Variants in PIK3AP1 observed in about 807,000 individuals in gnomAD.
The protein encoded by PIK3AP1 is phosphoinositide-3-kinase adaptor protein 1, also known as phosphoinositide 3-kinase adapter protein 1.
In PIK3AP1, 21 loss-of-function variants were observed where a neutral mutation model predicts 88.1. That is an observed-to-expected ratio of 0.24 (90% CI 0.17 to 0.34). The LOEUF is 0.34. PIK3AP1 is among the 10% of genes least tolerant of loss of function. The pLI is 1.00. For missense variants in PIK3AP1, 828 were observed against 1,035.7 expected (o/e 0.80, Z 2.75); for synonymous variants, 398 against 400.0 (o/e 1.00, Z 0.06).
intron 8 of PIK3AP1, among the ~76,000 whole-genome samples, chr10:96,629,930 A>AAAAAAAAAAAAAAAAGAAGAAG (rs776780994): frequency 7.3e-5 from 1 of 13,726 alleles, no homozygotes; most frequent in African/African-American, 1.8e-4. Context: ...AAAAAAAAAA[A>AAAAAAAAAAAAAAAAGAAGAAG]AAGAAGAAGA....
At chr10:96,671,104 T>C (rs1843839970) in intron 2 of PIK3AP1, among the ~76,000 whole-genome samples, 1 of 152,228 alleles carries the variant, frequency 6.6e-6, no homozygotes, top group Admixed American at 6.5e-5. Flanking sequence ...ACTGGCTATT[T>C]CCTCAGAAAT....
At chr10:96,717,633 G>A (rs1018754938) in intron 1 of PIK3AP1, among the ~76,000 whole-genome samples, 3 of 152,210 alleles carry the variant, frequency 2.0e-5, no homozygotes, top group African/African-American at 7.2e-5. Context: ...AGGATCTAAA[G>A]AGAAGAGCCT....
Position 96,712,277 on chromosome 10 carries a change from C to T in PIK3AP1, c.14-2294G>A, listed in dbSNP as rs577542677. Among the ~76,000 whole-genome samples the T allele has an allele frequency of 2.0e-5, 3 of 152,218 alleles. No homozygotes were observed. In the South Asian group the frequency reaches 6.2e-4, roughly 32 times the overall value. Reference sequence around the variant, plus strand: ...ACAAACAGTATGGAACTGGCGAAAACCAGTCCGCAATTCTGACGATGCCCT... The same window carrying T: ...ACAAACAGTATGGAACTGGCGAAAATCAGTCCGCAATTCTGACGATGCCCT... On this transcript the variant is annotated intron_variant, in intron 1 of 16. Transcript: ENST00000339364.
intron 8 of PIK3AP1, among the ~76,000 whole-genome samples, chr10:96,636,434 C>A (rs1183464890): frequency 6.6e-6 from 1 of 151,978 alleles, no homozygotes; most frequent in African/African-American, 2.4e-5. Flanking sequence ...TGATAAAACC[C>A]TCTCAGGCTC....
intron 2 of PIK3AP1, among the ~76,000 whole-genome samples, chr10:96,693,011 C>T (rs2134275597): frequency 6.6e-6 from 1 of 152,334 alleles, no homozygotes; most frequent in Non-Finnish European, 1.5e-5. Flanking sequence ...CAGCTTTCAT[C>T]CATTGCTCCT....
At chr10:96,711,969 T>C (rs1844445076) in intron 1 of PIK3AP1, among the ~76,000 whole-genome samples, 1 of 151,630 alleles carries the variant, frequency 6.6e-6, no homozygotes. Flanking sequence ...TTAGCCAGGA[T>C]GGTCTCGATC....
At position 96,660,275 on chromosome 10, in the gene PIK3AP1, C is replaced by T. The variant is rs567236044; in HGVS notation, c.431-3341G>A. 4.5e-4 allele frequency among the ~76,000 whole-genome samples: 68 copies of T among 152,012 alleles called. 2 individuals carry two copies. The Middle Eastern group carries it at 0.01, about 23-fold the overall frequency. On this transcript the variant is annotated intron_variant, in intron 2 of 16. Coordinates refer to ENST00000339364, the MANE Select transcript of PIK3AP1 (RefSeq NM_152309.3). The stretch of plus-strand genomic sequence containing the variant: ...CTCTTAAAACTCAACAAGCAGAAAA[C>T]GAAAAGCCTGATTTTAAAAAAGAGC...
chr10:96,699,641 T>C (rs1844267748), intron 2 of PIK3AP1, among the ~76,000 whole-genome samples: 1 of 152,170 alleles, frequency 6.6e-6, no homozygotes, highest in Admixed American at 6.5e-5. Flanking sequence ...ATATAATAGA[T>C]GCTCCATAAA....
chr10:96,636,680 G>C (rs192314507), intron 8 of PIK3AP1, among the ~76,000 whole-genome samples: 1 of 152,280 alleles, frequency 6.6e-6, no homozygotes, highest in Non-Finnish European at 1.5e-5. Context: ...GGTCTGAGGA[G>C]AAAGTGCAAA....
At chr10:96,684,973 CT>C (rs1844050091) in intron 2 of PIK3AP1, among the ~76,000 whole-genome samples, 1 of 152,096 alleles carries the variant, frequency 6.6e-6, no homozygotes, top group Non-Finnish European at 1.5e-5. Context: ...TTTGTGTTTG[CT>C]TTTTTAAAAG....
At chr10:96,607,924 T>C (rs1589483397) in intron 14 of PIK3AP1, among the ~76,000 whole-genome samples, 1 of 152,206 alleles carries the variant, frequency 6.6e-6, no homozygotes, top group Non-Finnish European at 1.5e-5. Context: ...GTTTATTGCA[T>C]GGCAAGAGAT....
rs138844215 is a variant in PIK3AP1, at chr10:96,682,669, C to T, written c.431-25735G>A. Reference sequence around the variant, plus strand: ...TTTCTTTTCGCCCCATTAATAGATGCTTTTTAGCCACTTCACCAACTGACC... The same window carrying T: ...TTTCTTTTCGCCCCATTAATAGATGTTTTTTAGCCACTTCACCAACTGACC... On this transcript the variant is annotated intron_variant, in intron 2 of 16. Transcript: ENST00000339364. Among the ~76,000 whole-genome samples the T allele has an allele frequency of 2.9e-3, 441 of 152,252 alleles. 1 individual carries two copies. Among genetic ancestry groups the T allele is most frequent in the Non-Finnish European group, 4.7e-3 (317 of 68,012 alleles).
intron 1 of PIK3AP1, among the ~76,000 whole-genome samples, chr10:96,717,661 A>G (rs1319586287): frequency 1.3e-5 from 2 of 152,208 alleles, no homozygotes; most frequent in Non-Finnish European, 2.9e-5. Context: ...AGGGGGCAAG[A>G]GACGGTATGA....
intron 16 of PIK3AP1, among the ~76,000 whole-genome samples, chr10:96,601,473 CAAAAA>C (rs11407501): frequency 2.6e-4 from 20 of 75,494 alleles, no homozygotes; most frequent in African/African-American, 4.4e-4. Flanking sequence ...GAATCTATCT[CAAAAA>C]AAAAAAAAAA....
chr10:96,678,577 T>C (rs1388083106), intron 2 of PIK3AP1, among the ~76,000 whole-genome samples: 2 of 152,164 alleles, frequency 1.3e-5, no homozygotes, highest in Non-Finnish European at 2.9e-5. Context: ...GCCTATACTA[T>C]AATTAAAATT....
intron 6 of PIK3AP1, among the ~76,000 whole-genome samples, chr10:96,649,340 G>A (rs997402569): frequency 3.3e-5 from 5 of 152,000 alleles, no homozygotes; most frequent in South Asian, 2.1e-4. Flanking sequence ...CACCATACCC[G>A]GCCATAACAT....
chr10:96,680,555 T>C lies in PIK3AP1; in HGVS notation c.431-23621A>G, dbSNP rs115782294. ...GTTCTCAGTTGTAAGTGAAAACATG[T>C]AGTATTTGGTTTTCTGTTCCTCTGT... is the stretch of plus-strand genomic sequence containing the variant. On this transcript the variant is annotated intron_variant, in intron 2 of 16. Transcript: ENST00000339364. 2.8e-3 allele frequency among the ~76,000 whole-genome samples: 419 copies of C among 152,266 alleles called. 3 individuals carry two copies. The highest frequency in any genetic ancestry group is 7.6e-3 in the African/African-American group (317 of 41,546).
At chr10:96,663,641 A>AAG (rs1458580185) in intron 2 of PIK3AP1, among the ~76,000 whole-genome samples, 1 of 150,670 alleles carries the variant, frequency 6.6e-6, no homozygotes, top group Non-Finnish European at 1.5e-5. Context: ...AAAAAAAAAA[A>AAG]AAAAAAAAAA....
At chr10:96,682,988 A>C (rs1415817289) in intron 2 of PIK3AP1, among the ~76,000 whole-genome samples, 1 of 152,202 alleles carries the variant, frequency 6.6e-6, no homozygotes, top group East Asian at 1.9e-4. Flanking sequence ...ACATACACTT[A>C]TTCCCCCAAA....
Sources: allele counts gnomAD v4.1 joint callset (sites outside exome capture counted in the v4.1 genomes callset), GRCh38; gene constraint gnomAD v4.1.1; transcripts MANE v1.5; gene names NCBI Gene and HGNC (gene_info 2026-07-23, HGNC 2026-07-21).